PHACTR1: variants seen among roughly 807,000 people sequenced by gnomAD.
PHACTR1 encodes the protein RPEL repeat containing 1.
A neutral mutation model predicts 69.2 loss-of-function variants in PHACTR1; 16 were observed. The ratio of observed to expected loss-of-function variants is 0.23; its 90% CI spans 0.16 to 0.35. The LOEUF is 0.35. Among genes scored for constraint, PHACTR1 ranks in the 10% least tolerant of loss-of-function variants. The probability of loss-of-function intolerance (pLI) is 1.00; values close to 1 mark genes in which losing one functional copy is unlikely to be tolerated. For missense variants in PHACTR1, 510 were observed against 734.7 expected, an observed-to-expected ratio of 0.69 and a Z score of 3.54; for synonymous variants, 312 against 284.5, an observed-to-expected ratio of 1.10 and a Z score of -0.97.
chr6:13,182,769 G>T (rs1358476213), intron 7 of PHACTR1, 83 bp downstream of exon 7: 1 of 1,380,044 alleles, frequency 7.2e-7, no homozygotes, highest in South Asian at 1.7e-5. Context: ...GGCTGGACTT[G>T]GAATTCTATT....
intron 5 of PHACTR1, among the ~76,000 whole-genome samples, chr6:13,099,242 A>C (rs1814754673): frequency 1.3e-5 from 2 of 152,224 alleles, no homozygotes; most frequent in South Asian, 4.1e-4. Context: ...CATGCCTTTT[A>C]GTTTCCCTCG....
chr6:13,144,801 G>T lies in PHACTR1; in HGVS notation c.416-15403G>T, dbSNP rs543978516. On this transcript the variant is annotated intron_variant, in intron 5 of 14. Transcript: ENST00000332995. ...AAAAAAAAAAAAAAAAGTATGTGTG[G>T]AAATTCAAAGGACCAAGAATGGTAA... 3.5e-3 allele frequency among the ~76,000 whole-genome samples: 516 copies of T among 148,902 alleles called. 3 individuals are homozygous for T. The highest frequency in any genetic ancestry group is 0.012 in the African/African-American group (491 of 40,392).
At chr6:12,753,961 TA>T (rs59383568) in intron 4 of PHACTR1, among the ~76,000 whole-genome samples, 10,129 of 119,722 alleles carry the variant, frequency 0.085, 1,168 homozygotes, top group African/African-American at 0.26. Context: ...TATATATATA[TA>T]TATATATATT....
chr6:12,761,530 G>T (rs562838858), intron 4 of PHACTR1, among the ~76,000 whole-genome samples: 1 of 152,194 alleles, frequency 6.6e-6, no homozygotes, highest in Non-Finnish European at 1.5e-5. Context: ...ACTTCTTAGT[G>T]TGGTCTTGAC....
intron 7 of PHACTR1, among the ~76,000 whole-genome samples, chr6:13,205,028 G>A (rs1019401164): frequency 2.0e-5 from 3 of 152,188 alleles, no homozygotes; most frequent in African/African-American, 7.2e-5. Flanking sequence ...AATACCTGAG[G>A]CCAGGTAATT....
At chr6:13,123,786 A>G (rs1328456520) in intron 5 of PHACTR1, among the ~76,000 whole-genome samples, 3 of 152,236 alleles carry the variant, frequency 2.0e-5, no homozygotes, top group African/African-American at 7.2e-5. Flanking sequence ...AGAGGCTCCC[A>G]TCACATTCCC....
chr6:12,724,436 G>A (rs377654099), intron 3 of PHACTR1, among the ~76,000 whole-genome samples: 1 of 152,312 alleles, frequency 6.6e-6, no homozygotes, highest in African/African-American at 2.4e-5. Context: ...TGGGAAGCGG[G>A]AATCCTATGC....
chr6:13,159,765 C>T (rs1194992482), intron 5 of PHACTR1, among the ~76,000 whole-genome samples: 1 of 152,160 alleles, frequency 6.6e-6, no homozygotes, highest in Non-Finnish European at 1.5e-5. Context: ...AACCATGAAA[C>T]CCCGTCTCTA....
At chr6:12,984,713 T>C (rs569444252) in intron 4 of PHACTR1, among the ~76,000 whole-genome samples, 8 of 152,340 alleles carry the variant, frequency 5.3e-5, no homozygotes, top group Admixed American at 5.2e-4. Context: ...AAAATAATTT[T>C]GGGATCATTA....
intron 4 of PHACTR1, among the ~76,000 whole-genome samples, chr6:12,784,517 C>A (rs983390030): frequency 6.6e-6 from 1 of 151,252 alleles, no homozygotes; most frequent in Non-Finnish European, 1.5e-5. Flanking sequence ...TGTATCTAGA[C>A]ACACATATAC....
chr6:12,784,516 A>G (rs1771270191), intron 4 of PHACTR1, among the ~76,000 whole-genome samples: 1 of 151,734 alleles, frequency 6.6e-6, no homozygotes, highest in African/African-American at 2.4e-5. Flanking sequence ...ATGTATCTAG[A>G]CACACATATA....
chr6:13,224,841 G>T (rs1179225603), intron 8 of PHACTR1, among the ~76,000 whole-genome samples: 2 of 152,274 alleles, frequency 1.3e-5, no homozygotes, highest in Non-Finnish European at 1.5e-5. Context: ...AAGCCGCTCC[G>T]ACAGCTCTGG....
rs79366416 is a variant in PHACTR1 at position 13,133,577 on chromosome 6, G to A, written c.416-26627G>A. Among the ~76,000 whole-genome samples, 94 of 152,234 alleles carry A rather than the reference G, an allele frequency of 6.2e-4. No homozygotes were observed. In the East Asian group the frequency reaches 0.016, roughly 25 times the overall value. ...CTCCCGAGGTGCCGGGATTGCAGAC[G>A]GAGTCTCGCTCACTCAGTGCTCAAT... On this transcript the variant is annotated intron_variant, in intron 5 of 14. Transcript: ENST00000332995.
intron 4 of PHACTR1, among the ~76,000 whole-genome samples, chr6:12,808,341 C>T (rs894532988): frequency 2.6e-5 from 4 of 152,072 alleles, no homozygotes; most frequent in African/African-American, 9.7e-5. Context: ...ATTTTTGAAA[C>T]ATTTCAGGAG....
intron 10 of PHACTR1, among the ~76,000 whole-genome samples, chr6:13,234,519 T>C (rs1469453765): frequency 7.0e-6 from 1 of 143,846 alleles, no homozygotes; most frequent in Admixed American, 6.9e-5. Flanking sequence ...TCCAATAACA[T>C]AAGAAAAAAA....
chr6:13,155,403 T>A (rs1758026159), intron 5 of PHACTR1, among the ~76,000 whole-genome samples: 1 of 152,164 alleles, frequency 6.6e-6, no homozygotes, highest in African/African-American at 2.4e-5. Context: ...CTAGTACAAA[T>A]TCAGAAGATT....
chr6:12,800,180 T>C (rs190263691), intron 4 of PHACTR1, among the ~76,000 whole-genome samples: 2 of 152,274 alleles, frequency 1.3e-5, no homozygotes, highest in East Asian at 1.9e-4. Context: ...AAATCTCAAA[T>C]CCAACCATTT....
At chr6:12,890,460 G>A (rs749641426) in intron 4 of PHACTR1, among the ~76,000 whole-genome samples, 31 of 152,026 alleles carry the variant, frequency 2.0e-4, no homozygotes, top group Non-Finnish European at 4.0e-4. Flanking sequence ...TCAGAGAAAA[G>A]CCAACCCGCC....
intron 3 of PHACTR1, among the ~76,000 whole-genome samples, chr6:12,728,153 A>AAT (rs1190044100): frequency 6.6e-6 from 1 of 152,070 alleles, no homozygotes; most frequent in Non-Finnish European, 1.5e-5. Flanking sequence ...CTCTACAAAA[A>AAT]ATATATATAT....
Sources: gnomAD v4.1 joint callset for allele counts (sites outside exome capture counted in the v4.1 genomes callset) on GRCh38, gnomAD v4.1.1 for gene constraint, MANE v1.5 for transcripts, NCBI Gene and HGNC (gene_info 2026-07-23, HGNC 2026-07-21) for gene names.